The following PIEZO2 variants were observed in gnomAD, a reference collection of about 807,000 sequenced individuals.
PIEZO2 encodes piezo-type mechanosensitive ion channel component 2.
In PIEZO2, 172 loss-of-function variants were observed where a neutral mutation model predicts 337.3. The ratio of observed to expected loss-of-function variants is 0.51; its 90% confidence interval spans 0.45 to 0.58. The LOEUF (loss-of-function observed/expected upper bound fraction) is 0.58. PIEZO2 is among the 20% of genes least tolerant of loss of function. The probability of loss-of-function intolerance (pLI) is 0.00; values close to 1 mark genes in which losing one functional copy is unlikely to be tolerated. For synonymous variants in PIEZO2, 1,251 were observed against 1,228.5 expected (o/e 1.02, Z -0.38); for missense variants, 3,028 against 3,391.3 (o/e 0.89, Z 2.66).
chr18:10,694,281 A>G (rs2034988813), intron 47 of PIEZO2, among the ~76,000 whole-genome samples: 1 of 152,240 alleles, frequency 6.6e-6, no homozygotes, highest in Non-Finnish European at 1.5e-5. Flanking sequence ...AAAAGCAGCC[A>G]TTAGGCTCTG....
At chr18:10,699,241 CT>C in intron 43 of PIEZO2, 64 bp from the exon 44 acceptor site, 1 of 1,517,478 alleles carries the variant, frequency 6.6e-7, no homozygotes, top group Non-Finnish European at 8.8e-7. Flanking sequence ...GGTATTCTGT[CT>C]TACAAAATCT....
chr18:10,950,402 A>G (rs1396809035), intron 3 of PIEZO2, among the ~76,000 whole-genome samples: 2 of 152,178 alleles, frequency 1.3e-5, no homozygotes, highest in African/African-American at 4.8e-5. Flanking sequence ...AAACACAACA[A>G]AACACATGCT....
At position 10,724,447 on chromosome 18, in the gene PIEZO2, C is replaced by G. The variant is rs1326010553; in HGVS notation, c.5030-6188G>C. Among the ~76,000 whole-genome samples the G allele has an allele frequency of 6.6e-6, 1 of 152,200 alleles. No homozygotes were observed. The highest frequency in any genetic ancestry group is 1.5e-5 in the Non-Finnish European group (1 of 68,032). ...GGAGGCAATGCATGCTGCAGCCAAT[C>G]AGACCCCTGGTAGCAGAGCCTGGGC... is the stretch of plus-strand genomic sequence containing the variant. On this transcript the variant is annotated intron_variant, in intron 36 of 55. Transcript: ENST00000674853. This position sits in a 1 kb window ranked among gnomAD's most constrained non-coding sequence, Gnocchi z 5.8.
intron 9 of PIEZO2, among the ~76,000 whole-genome samples, chr18:10,803,492 C>A (rs756994850): frequency 1.2e-4 from 18 of 152,322 alleles, no homozygotes; most frequent in Non-Finnish European, 2.2e-4. Flanking sequence ...ATACCCAAAT[C>A]AACCAAATAC....
At chr18:11,066,585 C>G (rs1335607904) in intron 1 of PIEZO2, among the ~76,000 whole-genome samples, 1 of 152,112 alleles carries the variant, frequency 6.6e-6, no homozygotes, top group Non-Finnish European at 1.5e-5. Context: ...TGGGGGTGGA[C>G]TATAAAAGTG....
At chr18:11,074,672 G>T (rs1239639689) in intron 1 of PIEZO2, among the ~76,000 whole-genome samples, 2 of 152,198 alleles carry the variant, frequency 1.3e-5, no homozygotes, top group African/African-American at 4.8e-5. Flanking sequence ...TAGGAAAAAT[G>T]ATCGATTTGA....
At chr18:11,117,382 G>A (rs377705484) in intron 1 of PIEZO2, among the ~76,000 whole-genome samples, 15 of 152,080 alleles carry the variant, frequency 9.9e-5, no homozygotes, top group Admixed American at 2.0e-4. Flanking sequence ...CCCAACTAGC[G>A]GATGAGCACA....
intron 54 of PIEZO2, among the ~76,000 whole-genome samples, chr18:10,674,077 A>G (rs2033891660): frequency 6.6e-6 from 1 of 152,196 alleles, no homozygotes; most frequent in African/African-American, 2.4e-5. Context: ...TGTCTATGGC[A>G]TGGAAGGATG....
At chr18:11,011,030 G>GT (rs2035880670) in intron 2 of PIEZO2, among the ~76,000 whole-genome samples, 1 of 152,196 alleles carries the variant, frequency 6.6e-6, no homozygotes, top group Non-Finnish European at 1.5e-5. Context: ...ATGCTACGTG[G>GT]TGTGAAAACA....
intron 3 of PIEZO2, among the ~76,000 whole-genome samples, chr18:10,978,136 C>T (rs925847616): frequency 1.3e-5 from 2 of 152,044 alleles, no homozygotes; most frequent in African/African-American, 4.8e-5. Context: ...TACTGGCTAA[C>T]ACGGTGAAAC....
rs1197281729 is a variant in PIEZO2 at position 10,714,867 on chromosome 18, T to G, written c.5320A>C (p.Arg1774=). ...YYQNHIMNLS[R]ESGLDTIDEH... ...TCAATGGTGTCCAGTCCCGACTCTC[T>G]GGAAAGGTTCATGATGTGGTTCTGA... Residue 1774 remains arginine, a synonymous_variant, in exon 39 of 56, where the codon AGA becomes CGA. Transcript: ENST00000674853. 1.3e-6 allele frequency: 2 copies of G among 1,537,138 alleles called. No homozygotes were observed. The highest frequency in any genetic ancestry group is 2.7e-5 in the African/African-American group (2 of 73,040).
intron 2 of PIEZO2, among the ~76,000 whole-genome samples, chr18:11,049,829 C>A (rs934114720): frequency 5.9e-5 from 9 of 152,140 alleles, no homozygotes; most frequent in Admixed American, 5.2e-4. Flanking sequence ...GTCCATTAAA[C>A]CTCTTTTTCT....
chr18:11,088,167 G>A (rs2038966986), intron 1 of PIEZO2, among the ~76,000 whole-genome samples: 2 of 152,320 alleles, frequency 1.3e-5, no homozygotes, highest in South Asian at 4.1e-4. Flanking sequence ...TGCAGGCAGA[G>A]ACTATGGTCT....
intron 4 of PIEZO2, among the ~76,000 whole-genome samples, chr18:10,891,967 A>C (rs1429174391): frequency 2.0e-5 from 3 of 152,220 alleles, no homozygotes; most frequent in African/African-American, 7.2e-5. Flanking sequence ...AGTGTGCTTT[A>C]ATTTTCAGAA....
At chr18:10,928,826 G>A (rs1353604793) in intron 3 of PIEZO2, among the ~76,000 whole-genome samples, 1 of 152,160 alleles carries the variant, frequency 6.6e-6, no homozygotes, top group Non-Finnish European at 1.5e-5. Flanking sequence ...GTAATTCAAA[G>A]AAGAGGAACA....
At chr18:10,811,935 A>G (rs868082224) in intron 7 of PIEZO2, among the ~76,000 whole-genome samples, 14 of 152,210 alleles carry the variant, frequency 9.2e-5, no homozygotes, top group Middle Eastern at 3.4e-3. Flanking sequence ...CCGGGTTCAC[A>G]CCATTCTCCT....
At chr18:10,974,023 A>C (rs1242360289) in intron 3 of PIEZO2, among the ~76,000 whole-genome samples, 2 of 152,164 alleles carry the variant, frequency 1.3e-5, no homozygotes, top group African/African-American at 4.8e-5. Context: ...GCATGGGGTG[A>C]AGTTTACAGC....
At position 11,069,273 on chromosome 18, in the gene PIEZO2, T is replaced by C. The variant is rs1172484225; in HGVS notation, c.65-3051A>G. 1.3e-5 allele frequency among the ~76,000 whole-genome samples: 2 copies of C among 152,042 alleles called. No homozygotes were observed. The highest frequency in any genetic ancestry group is 2.9e-5 in the Non-Finnish European group (2 of 68,006). On this transcript the variant is annotated intron_variant, in intron 1 of 55. Transcript: ENST00000674853. The surrounding 1 kb of genome is among the most constrained non-coding windows in gnomAD (Gnocchi z 4.9). The stretch of plus-strand genomic sequence containing the variant: ...TCCTTGATGAACACAGATGCACAAG[T>C]ACTCAACAAAATGCAAGCAAACCCC...
chr18:10,866,105 A>G (rs2041998835), intron 5 of PIEZO2, among the ~76,000 whole-genome samples: 1 of 152,206 alleles, frequency 6.6e-6, no homozygotes, highest in African/African-American at 2.4e-5. Context: ...TGCTAAATTA[A>G]TTAAATGGGC....
Sources: allele counts gnomAD v4.1 joint callset (sites outside exome capture counted in the v4.1 genomes callset), GRCh38; gene constraint gnomAD v4.1.1; non-coding constraint Gnocchi (gnomAD v3.1); transcripts MANE v1.5; gene names NCBI Gene and HGNC (gene_info 2026-07-23, HGNC 2026-07-21).